The following SLC38A11 variants were observed in gnomAD, a reference collection of about 807,000 sequenced individuals.
SLC38A11 encodes solute carrier family 38 member 11, also known as putative sodium-coupled neutral amino acid transporter 11.
A neutral mutation model predicts 49.4 loss-of-function variants in SLC38A11; 51 were observed. The ratio of observed to expected loss-of-function variants is 1.03; its 90% confidence interval spans 0.83 to 1.30. The LOEUF (loss-of-function observed/expected upper bound fraction) is 1.30, where lower values mean the gene tolerates loss of function less well. Ranked by LOEUF, SLC38A11 falls within the 50% of genes most tolerant of loss-of-function variation. SLC38A11 has a pLI of 0.00. For missense variants in SLC38A11, 574 were observed against 556.2 expected (o/e 1.03, Z -0.32); for synonymous variants, 203 against 192.9 (o/e 1.05, Z -0.43).
chr2:164,930,461 A>G (rs541181428), intron 7 of SLC38A11, among the ~76,000 whole-genome samples: 1 of 152,158 alleles, frequency 6.6e-6, no homozygotes, highest in Non-Finnish European at 1.5e-5. Flanking sequence ...CAAAAAAAAA[A>G]CTTCAGGCCA....
intron 7 of SLC38A11, among the ~76,000 whole-genome samples, chr2:164,934,984 G>C (rs1289018833): frequency 6.6e-6 from 1 of 151,956 alleles, no homozygotes; most frequent in Non-Finnish European, 1.5e-5. Flanking sequence ...AATACATACA[G>C]ACTCATACCC....
At chr2:164,917,073 A>G (rs1446096733) in intron 7 of SLC38A11, among the ~76,000 whole-genome samples, 1 of 152,172 alleles carries the variant, frequency 6.6e-6, no homozygotes, top group Non-Finnish European at 1.5e-5. Context: ...TATTAATGTT[A>G]TTATCCAGCA....
intron 11 of SLC38A11, among the ~76,000 whole-genome samples, chr2:164,904,600 T>C (rs1364750285): frequency 1.3e-5 from 2 of 152,172 alleles, no homozygotes; most frequent in African/African-American, 2.4e-5. Context: ...ATTCCTAAAG[T>C]ACTAAAATTG....
chr2:164,951,175 C>T (rs940747899), intron 3 of SLC38A11, among the ~76,000 whole-genome samples: 5 of 152,110 alleles, frequency 3.3e-5, no homozygotes, highest in Non-Finnish European at 5.9e-5. Context: ...GTATACTGTT[C>T]ATTCTCATCA....
intron 11 of SLC38A11, among the ~76,000 whole-genome samples, chr2:164,907,609 A>C (rs1685109728): frequency 6.6e-6 from 1 of 152,112 alleles, no homozygotes; most frequent in South Asian, 2.1e-4. Context: ...TTTTATGTTT[A>C]TTTGTGAGAA....
Position 164,945,630 on chromosome 2 carries a change from C to G in SLC38A11, c.327G>C (p.Leu109=). Residue 109 remains leucine (L), a synonymous_variant, in exon 4 of 12, where the codon CTG becomes CTC. Coordinates refer to ENST00000685975, the MANE Select transcript of SLC38A11 (RefSeq NM_001351537.2). ...ACAAAAACTGAAGAACAGAGAGGAG[C>G]AGATACCCTGGAAAGCCGAAAGTTT... ...VNKTFGFPGY[L]LLSVLQFLYP... is the part of the protein sequence containing the mutation. The G allele has an allele frequency of 6.2e-7, 1 of 1,610,714 alleles. No homozygotes were observed. The highest frequency in any genetic ancestry group is 8.5e-7 in the Non-Finnish European group (1 of 1,179,294).
At chr2:164,937,863 C>A (rs1275472207) in intron 6 of SLC38A11, among the ~76,000 whole-genome samples, 3 of 152,090 alleles carry the variant, frequency 2.0e-5, no homozygotes, top group Non-Finnish European at 2.9e-5. Context: ...TCCAACACCA[C>A]ACACATTCCT....
chr2:164,915,095 T>A lies in SLC38A11; in HGVS notation c.850+17A>T. 6.3e-7 allele frequency: 1 copy of A among 1,597,750 alleles called. No individual in the cohort carries two copies. On this transcript the variant is annotated intron_variant, in intron 9 of 11. Coordinates refer to ENST00000685975, the MANE Select transcript of SLC38A11 (RefSeq NM_001351537.2). ...TACCAATGCACATGAACACTATAAC[T>A]GAATCTCTCATTTTACCTTGGGTGA... is the stretch of plus-strand genomic sequence containing the variant.
chr2:164,898,985 C>T (rs1684481892), intron 11 of SLC38A11, among the ~76,000 whole-genome samples: 2 of 152,006 alleles, frequency 1.3e-5, no homozygotes, highest in South Asian at 2.1e-4. Flanking sequence ...AATATTATCA[C>T]AAAATAATAT....
chr2:164,923,871 T>C (rs1027339942), intron 7 of SLC38A11, among the ~76,000 whole-genome samples: 1 of 151,720 alleles, frequency 6.6e-6, no homozygotes, highest in African/African-American at 2.4e-5. Flanking sequence ...TTGGTGGGAA[T>C]GTGAATTAGT....
At chr2:164,928,743 G>A (rs745907857) in intron 7 of SLC38A11, among the ~76,000 whole-genome samples, 9 of 151,812 alleles carry the variant, frequency 5.9e-5, no homozygotes, top group East Asian at 3.9e-4. Context: ...CCTATTTACC[G>A]CACTCTCAGA....
At chr2:164,928,207 C>T (rs893028091) in intron 7 of SLC38A11, among the ~76,000 whole-genome samples, 1 of 152,134 alleles carries the variant, frequency 6.6e-6, no homozygotes, top group Non-Finnish European at 1.5e-5. Context: ...TAAAACATAC[C>T]ACTAGCTCTA....
At chr2:164,955,131 T>C (rs1688763528) in intron 1 of SLC38A11, 78 bp downstream of exon 1, 2 of 1,358,658 alleles carry the variant, frequency 1.5e-6, no homozygotes, top group Admixed American at 3.9e-5. Context: ...CAGGTGAAGG[T>C]AGGTGACCTG....
intron 7 of SLC38A11, among the ~76,000 whole-genome samples, chr2:164,932,036 C>A (rs1335487415): frequency 1.3e-5 from 2 of 151,882 alleles, no homozygotes; most frequent in African/African-American, 4.8e-5. Flanking sequence ...TGACAAAGGT[C>A]TAATATATAG....
intron 7 of SLC38A11, among the ~76,000 whole-genome samples, chr2:164,919,670 T>C (rs1463647637): frequency 6.6e-6 from 1 of 152,216 alleles, no homozygotes; most frequent in East Asian, 1.9e-4. Context: ...CATACTTTTA[T>C]ATAATTTAAA....
At chr2:164,942,184 C>T (rs890438747) in intron 5 of SLC38A11, among the ~76,000 whole-genome samples, 2 of 151,958 alleles carry the variant, frequency 1.3e-5, no homozygotes, top group Admixed American at 6.6e-5. Flanking sequence ...TGAGATGGCT[C>T]ATGTCTATAA....
chr2:164,914,292 CCTGA>C (rs72195476), intron 9 of SLC38A11, among the ~76,000 whole-genome samples: 9,066 of 151,944 alleles, frequency 0.06, 869 homozygotes, highest in African/African-American at 0.2. Context: ...GCTGGACTGC[CCTGA>C]CTACTACACT....
chr2:164,928,474 A>G (rs1179498925), intron 7 of SLC38A11, among the ~76,000 whole-genome samples: 2 of 152,190 alleles, frequency 1.3e-5, no homozygotes, highest in Admixed American at 1.3e-4. Flanking sequence ...TTCTTTGCTG[A>G]ATTCTAATTC....
chr2:164,915,758 A>G, intron 8 of SLC38A11, 145 bp downstream of exon 8: 1 of 604,868 alleles, frequency 1.7e-6, no homozygotes. Flanking sequence ...CTAATTTTAT[A>G]TTGGCACAAA....
Sources: gnomAD v4.1 joint callset for allele counts (sites outside exome capture counted in the v4.1 genomes callset) on GRCh38, gnomAD v4.1.1 for gene constraint, MANE v1.5 for transcripts, NCBI Gene and HGNC (gene_info 2026-07-23, HGNC 2026-07-21) for gene names.